DDX6: variants seen among roughly 807,000 people sequenced by gnomAD.
DDX6 encodes the protein DEAD-box helicase 6.
Under a neutral mutation model 60.6 loss-of-function variants are expected in DDX6, and 7 were observed. The ratio of observed to expected loss-of-function variants is 0.12; its 90% CI spans 0.07 to 0.22. DDX6 has a LOEUF of 0.22. Among genes scored for constraint, DDX6 ranks in the 10% least tolerant of loss-of-function variants. The probability of loss-of-function intolerance (pLI) is 1.00; values close to 1 mark genes in which losing one functional copy is unlikely to be tolerated. For missense variants in DDX6, 270 were observed against 589.9 expected (o/e 0.46, Z 5.62); for synonymous variants, 207 against 201.0 (o/e 1.03, Z -0.25).
At chr11:118,757,458 GATA>G (rs144855985) in intron 9 of DDX6, among the ~76,000 whole-genome samples, 171 bp from the exon 10 acceptor site, 4 of 152,216 alleles carry the variant, frequency 2.6e-5, no homozygotes, top group Admixed American at 6.5e-5. Context: ...ATAGATGGAA[GATA>G]ATAATATCTA....
chr11:118,789,347 G>C (rs1339460546), intron 1 of DDX6: 1 of 151,940 alleles, frequency 6.6e-6, no homozygotes, highest in Non-Finnish European at 1.5e-5. Context: ...CAAAGTGCTG[G>C]GATTACAGGT....
chr11:118,782,989 C>T (rs7927411), intron 2 of DDX6, among the ~76,000 whole-genome samples: 8,359 of 152,114 alleles, frequency 0.055, 736 homozygotes, highest in African/African-American at 0.19. Context: ...TTTGACATAC[C>T]GTTGAATTCA....
Position 118,748,528 on chromosome 11 carries a change from A to G in DDX6, c.*3577T>C, listed in dbSNP as rs1860637627. The G allele has an allele frequency of 6.6e-6, 1 of 152,202 alleles. No individual in the cohort carries two copies. Among genetic ancestry groups the G allele is most frequent in the Non-Finnish European group, 1.5e-5 (1 of 68,032 alleles). The allele number at this position is 152,202 out of a possible 1,614,324, so 9.4% of individuals were successfully genotyped here. On this transcript the variant is annotated 3_prime_UTR_variant, in exon 14 of 14. Coordinates refer to ENST00000534980, the MANE Select transcript of DDX6 (RefSeq NM_004397.6). The stretch of plus-strand genomic sequence containing the variant: ...CTGGCAGGAAAATGATTCCACAATA[A>G]CAAATTTAAAGATACCTAGAACATT...
chr11:118,766,155 A>T (rs1565567853), intron 5 of DDX6, among the ~76,000 whole-genome samples: 1 of 151,804 alleles, frequency 6.6e-6, no homozygotes, highest in Non-Finnish European at 1.5e-5. Context: ...CAGCACAGTG[A>T]GTAACTCATG....
intron 4 of DDX6, among the ~76,000 whole-genome samples, chr11:118,769,327 T>C (rs1861458421): frequency 6.6e-6 from 1 of 152,222 alleles, no homozygotes; most frequent in Non-Finnish European, 1.5e-5. Context: ...CTCCAATGTC[T>C]GTCCCACAGC....
At chr11:118,774,220 C>A (rs1328306538) in intron 4 of DDX6, among the ~76,000 whole-genome samples, 1 of 152,118 alleles carries the variant, frequency 6.6e-6, no homozygotes, top group African/African-American at 2.4e-5. Flanking sequence ...TATAAAGTTT[C>A]AAATAATGCT....
chr11:118,770,632 G>C (rs1300311104), intron 4 of DDX6, among the ~76,000 whole-genome samples: 1 of 152,092 alleles, frequency 6.6e-6, no homozygotes, highest in Non-Finnish European at 1.5e-5. Flanking sequence ...GCTCATGTCT[G>C]TAATCCCAGC....
At chr11:118,759,066 CCCT>C in intron 8 of DDX6, 164 bp from the exon 9 acceptor site, 1 of 884,688 alleles carries the variant, frequency 1.1e-6, no homozygotes, top group Non-Finnish European at 1.6e-6. Context: ...AGAATTTCCC[CCCT>C]GCCACCCTGA....
At chr11:118,752,632 A>T (rs1420894825) in intron 13 of DDX6, among the ~76,000 whole-genome samples, 1 of 152,140 alleles carries the variant, frequency 6.6e-6, no homozygotes, top group Non-Finnish European at 1.5e-5. Flanking sequence ...GAGAAAAAAA[A>T]TTTAAGTAAC....
chr11:118,750,233 T>C lies in DDX6; in HGVS notation c.*1872A>G, dbSNP rs1310806025. 3 of 152,366 alleles carry C rather than the reference T, an allele frequency of 2.0e-5. No individual in the cohort carries two copies. Among genetic ancestry groups the C allele is most frequent in the Non-Finnish European group, 4.4e-5 (3 of 68,000 alleles). The allele number at this position is 152,366 out of a possible 1,614,324, so 9.4% of individuals were successfully genotyped here. Reference sequence around the variant, plus strand: ...TCCAGATGCCTCCTGATTGACCTAGTACACTGGGTTAAAAGGGAATTAAAA... The same window carrying C: ...TCCAGATGCCTCCTGATTGACCTAGCACACTGGGTTAAAAGGGAATTAAAA... On this transcript the variant is annotated 3_prime_UTR_variant, in exon 14 of 14. Transcript: ENST00000534980.
At chr11:118,773,586 CA>C (rs1861606016) in intron 4 of DDX6, among the ~76,000 whole-genome samples, 1 of 150,230 alleles carries the variant, frequency 6.7e-6, no homozygotes, top group African/African-American at 2.5e-5. Context: ...CAAAATAAAA[CA>C]AAACAAAAAA....
intron 4 of DDX6, among the ~76,000 whole-genome samples, chr11:118,772,056 T>C (rs1315201266): frequency 6.6e-6 from 1 of 152,184 alleles, no homozygotes; most frequent in Non-Finnish European, 1.5e-5. Flanking sequence ...TATTCATAAA[T>C]AAAACTTCAT....
intron 4 of DDX6, among the ~76,000 whole-genome samples, chr11:118,778,894 A>G (rs1224426099): frequency 5.9e-5 from 9 of 152,164 alleles, no homozygotes; most frequent in Non-Finnish European, 1.2e-4. Flanking sequence ...TAATAAAAAA[A>G]GGGGGCCAGG....
At chr11:118,761,861 G>GAAAAAAA (rs11296874) in intron 7 of DDX6, among the ~76,000 whole-genome samples, 2 of 134,010 alleles carry the variant, frequency 1.5e-5, no homozygotes, top group Non-Finnish European at 3.2e-5. Context: ...AAATTAAATG[G>GAAAAAAA]AAAAAAAAAA....
intron 4 of DDX6, among the ~76,000 whole-genome samples, chr11:118,774,336 C>A (rs886347758): frequency 1.3e-5 from 2 of 152,104 alleles, no homozygotes; most frequent in African/African-American, 4.8e-5. Flanking sequence ...GCATCCAGAC[C>A]TAGAACTGGT....
chr11:118,757,181 T>C lies in DDX6; in HGVS notation c.1100A>G (p.Lys367Arg), dbSNP rs1555159145. 6.5e-7 allele frequency: 1 copy of C among 1,549,648 alleles called. No homozygotes were observed. The highest frequency in any genetic ancestry group is 1.4e-5 in the African/African-American group (1 of 72,084). The change falls in exon 10 of 14, where the codon AAA (lysine) becomes AGA (arginine). Residue 367 changes from lysine to arginine, a missense_variant. Physicochemically the swap from Lys to Arg is conservative, Grantham distance 26. Transcript: ENST00000534980. ...TAGTTTTATACTCACCTGCCTCATT[T>C]TAGCATGAATATAGAAGCAAGAATA... ...LGYSCFYIHAKMRQEHRNRVF... is the reference protein window; with the variant it reads ...LGYSCFYIHARMRQEHRNRVF...
chr11:118,755,372 TACCA>T, intron 12 of DDX6, 26 bp downstream of exon 12: 1 of 1,417,900 alleles, frequency 7.1e-7, no homozygotes, highest in Non-Finnish European at 9.9e-7. Flanking sequence ...AAAGAACTTC[TACCA>T]AGAATATCAC....
At chr11:118,763,838 T>TAAA (rs58341763) in intron 6 of DDX6, among the ~76,000 whole-genome samples, 3 of 134,356 alleles carry the variant, frequency 2.2e-5, no homozygotes, top group Non-Finnish European at 4.7e-5. Flanking sequence ...TGTCTCAAAT[T>TAAA]AAAAAAAAAA....
Position 118,776,540 on chromosome 11 carries a change from T to G in DDX6, c.369+3092A>C, listed in dbSNP as rs145831035. 7.8e-3 allele frequency among the ~76,000 whole-genome samples: 1,185 copies of G among 152,252 alleles called. 79 individuals are homozygous for G. Among genetic ancestry groups the G allele is most frequent in the Admixed American group, 0.068 (1,037 of 15,264 alleles). On this transcript the variant is annotated intron_variant, in intron 4 of 13. Coordinates refer to ENST00000534980, the MANE Select transcript of DDX6 (RefSeq NM_004397.6). ...AGTTCCTACTGTAAAGGAACTCTCA[T>G]AAGACCTCAGTGGGCCAGGTGTGTT...
Sources: gnomAD v4.1 joint callset for allele counts (sites outside exome capture counted in the v4.1 genomes callset) on GRCh38, gnomAD v4.1.1 for gene constraint, MANE v1.5 for transcripts, NCBI Gene and HGNC (gene_info 2026-07-23, HGNC 2026-07-21) for gene names.